The following FLRT2 variants were observed in gnomAD, a reference collection of about 807,000 sequenced individuals.
FLRT2 encodes leucine-rich repeat transmembrane protein FLRT2.
Under a neutral mutation model 40.0 loss-of-function variants are expected in FLRT2, and 15 were observed. The ratio of observed to expected loss-of-function variants is 0.38; its 90% CI spans 0.25 to 0.58. The LOEUF (loss-of-function observed/expected upper bound fraction) is 0.58, where lower values mean the gene tolerates loss of function less well. FLRT2 is among the 20% of genes least tolerant of loss of function. The probability of loss-of-function intolerance (pLI) is 0.71; values close to 1 mark genes in which losing one functional copy is unlikely to be tolerated. For missense variants in FLRT2, 726 were observed against 840.0 expected (o/e 0.86, Z 1.68); for synonymous variants, 380 against 336.8 (o/e 1.13, Z -1.41).
At position 85,633,293 on chromosome 14, in the gene FLRT2, C is replaced by G. The variant is rs900684833; in HGVS notation, c.*9796C>G. 6.6e-6 allele frequency: 1 copy of G among 152,098 alleles called. No individual in the cohort carries two copies. The highest frequency in any genetic ancestry group is 3.2e-3 in the Middle Eastern group (1 of 316). The allele number at this position is 152,098 out of a possible 1,614,324, so 9.4% of individuals were successfully genotyped here. A position where few individuals can be genotyped will look rare whatever the true frequency, so the allele number is the denominator to read the frequency against. ...GCCATGGGATAACACACAACCATGG[C>G]AGGCCTTTTTTCTCATGGTGTGTGG... is the stretch of plus-strand genomic sequence containing the variant. On this transcript the variant is annotated 3_prime_UTR_variant, in exon 2 of 2. Coordinates refer to ENST00000330753, the MANE Select transcript of FLRT2 (RefSeq NM_013231.6).
At chr14:85,570,777 G>A (rs1470587928) in intron 1 of FLRT2, among the ~76,000 whole-genome samples, 3 of 151,512 alleles carry the variant, frequency 2.0e-5, no homozygotes, top group East Asian at 2.0e-4. Flanking sequence ...AGTAGAGACG[G>A]GGTTTCACCT....
intron 1 of FLRT2, among the ~76,000 whole-genome samples, chr14:85,570,576 T>TATTTATTC (rs2139860495): frequency 6.7e-6 from 1 of 148,914 alleles, no homozygotes; most frequent in African/African-American, 2.5e-5. Flanking sequence ...TTTATTTATT[T>TATTTATTC]ATTTATTTAT....
chr14:85,619,114 G>A (rs1008031823), intron 1 of FLRT2, among the ~76,000 whole-genome samples: 1 of 147,504 alleles, frequency 6.8e-6, no homozygotes, highest in African/African-American at 2.5e-5. Context: ...TTTTGAGGCA[G>A]GTTCTTGCTC....
In FLRT2 at chr14:85,653,182, A is replaced by G. The variant is rs914713008; in HGVS notation, c.*29685A>G. ...TTGTGATCTGCTTGAGGACTTGTACATAGATAGGCTCAAGATATTTTGAGT... is the reference window on the plus strand; with the variant it reads ...TTGTGATCTGCTTGAGGACTTGTACGTAGATAGGCTCAAGATATTTTGAGT... On this transcript the variant is annotated 3_prime_UTR_variant, in exon 2 of 2. Coordinates refer to ENST00000330753, the MANE Select transcript of FLRT2 (RefSeq NM_013231.6). The G allele has an allele frequency of 2.6e-5, 4 of 152,188 alleles. No homozygotes were observed. Among genetic ancestry groups the G allele is most frequent in the African/African-American group, 7.2e-5 (3 of 41,458 alleles). 9.4% of individuals were successfully genotyped at this position (152,188 alleles called of 1,614,324 possible).
chr14:85,579,609 T>C (rs1006194357), intron 1 of FLRT2, among the ~76,000 whole-genome samples: 3 of 152,206 alleles, frequency 2.0e-5, no homozygotes, highest in South Asian at 2.1e-4. Flanking sequence ...CAATTTTCCG[T>C]ATCTATAAAA....
Position 85,643,354 on chromosome 14 carries a change from T to TTCCTTCCTTC in FLRT2, c.*19857_*19858insTCCTTCCTTC, listed in dbSNP as rs1491559808. 2.9e-3 allele frequency: 132 copies of TTCCTTCCTTC among 46,040 alleles called. 1 individual carries two copies. The highest frequency in any genetic ancestry group is 4.2e-3 in the Non-Finnish European group (97 of 23,034). The allele number at this position is 46,040 out of a possible 1,614,324, so 2.9% of individuals were successfully genotyped here. ...TTCTTTCTTTCTTTCTTTCTTTCTT[T>TTCCTTCCTTC]CTTCCTTCCTTCCTTCCTTCCTTTC... On this transcript the variant is annotated 3_prime_UTR_variant, in exon 2 of 2. Transcript: ENST00000330753.
At chr14:85,604,645 T>C (rs1431351163) in intron 1 of FLRT2, among the ~76,000 whole-genome samples, 2 of 152,174 alleles carry the variant, frequency 1.3e-5, no homozygotes, top group African/African-American at 2.4e-5. Context: ...TAGGACTGTT[T>C]TTAAAACTGA....
chr14:85,542,671 A>G (rs1889045400), intron 1 of FLRT2, among the ~76,000 whole-genome samples: 1 of 152,162 alleles, frequency 6.6e-6, no homozygotes, highest in Admixed American at 6.5e-5. Flanking sequence ...TTCTTTGGGA[A>G]ATGGTTTTAA....
intron 1 of FLRT2, among the ~76,000 whole-genome samples, chr14:85,546,592 A>C (rs943033805): frequency 5.3e-5 from 8 of 152,144 alleles, no homozygotes; most frequent in Admixed American, 3.3e-4. Context: ...TGGAAGTGCA[A>C]ATTTAGCTGA....
Position 85,640,432 on chromosome 14 carries a change from A to G in FLRT2, c.*16935A>G, listed in dbSNP as rs1260992855. On this transcript the variant is annotated 3_prime_UTR_variant, in exon 2 of 2. Coordinates refer to ENST00000330753, the MANE Select transcript of FLRT2 (RefSeq NM_013231.6). ...TGGGAAGTAAACTTTGGTCACCACA[A>G]TATACATAGCAAGTATTAAATATCT... is the stretch of plus-strand genomic sequence containing the variant. The G allele has an allele frequency of 6.6e-6, 1 of 152,190 alleles. No homozygotes were observed. Among genetic ancestry groups the G allele is most frequent in the African/African-American group, 2.4e-5 (1 of 41,456 alleles). The allele number at this position is 152,190 out of a possible 1,614,324, so 9.4% of individuals were successfully genotyped here. A position where few individuals can be genotyped will look rare whatever the true frequency, so the allele number is the denominator to read the frequency against.
intron 1 of FLRT2, among the ~76,000 whole-genome samples, chr14:85,599,390 CCAAAGATACAA>C (rs754368007): frequency 1.3e-5 from 2 of 152,094 alleles, no homozygotes; most frequent in Non-Finnish European, 2.9e-5. Context: ...TAGGGCGCTA[CCAAAGATACAA>C]CATATTTCTC....
chr14:85,586,499 G>T (rs1007218415), intron 1 of FLRT2, among the ~76,000 whole-genome samples: 4 of 152,072 alleles, frequency 2.6e-5, no homozygotes, highest in Admixed American at 1.3e-4. Flanking sequence ...CACTTAATTT[G>T]TTAAGATGGT....
At chr14:85,615,549 A>C (rs17713712) in intron 1 of FLRT2, among the ~76,000 whole-genome samples, 1 of 151,730 alleles carries the variant, frequency 6.6e-6, no homozygotes, top group Non-Finnish European at 1.5e-5. Flanking sequence ...GTAAAGAGAA[A>C]TATCTGCCTA....
chr14:85,560,506 G>A (rs1245279078), intron 1 of FLRT2, among the ~76,000 whole-genome samples: 1 of 151,960 alleles, frequency 6.6e-6, no homozygotes, highest in Admixed American at 6.6e-5. Flanking sequence ...ACTGGGACTC[G>A]GGAGGCGGAG....
chr14:85,609,997 G>C (rs1037252250), intron 1 of FLRT2, among the ~76,000 whole-genome samples: 1 of 152,176 alleles, frequency 6.6e-6, no homozygotes, highest in Non-Finnish European at 1.5e-5. Context: ...AGGGAACAGT[G>C]GGTGGCCTGT....
Position 85,643,555 on chromosome 14 carries a change from A to G in FLRT2, c.*20058A>G, listed in dbSNP as rs11159715. 0.22 allele frequency: 33,327 copies of G among 151,012 alleles called. 3,819 individuals are homozygous for G. The highest frequency in any genetic ancestry group is 0.29 in the East Asian group (1,494 of 5,080). 9.4% of individuals were successfully genotyped at this position (151,012 alleles called of 1,614,324 possible). A position where few individuals can be genotyped will look rare whatever the true frequency, so the allele number is the denominator to read the frequency against. ...CTACAGGCGTGCACCACCACACCTG[A>G]CTAATTTTTGTGTTTTTAGTAGAGA... On this transcript the variant is annotated 3_prime_UTR_variant, in exon 2 of 2. Coordinates refer to ENST00000330753, the MANE Select transcript of FLRT2 (RefSeq NM_013231.6).
intron 1 of FLRT2, among the ~76,000 whole-genome samples, chr14:85,582,947 T>C (rs1891458082): frequency 1.3e-5 from 2 of 152,066 alleles, no homozygotes; most frequent in Non-Finnish European, 2.9e-5. Context: ...CCTCATTGTT[T>C]GATTTCACAG....
intron 1 of FLRT2, among the ~76,000 whole-genome samples, chr14:85,613,155 ATTG>A (rs1221637374): frequency 2.0e-5 from 3 of 152,004 alleles, no homozygotes; most frequent in Non-Finnish European, 2.9e-5. Context: ...TTTAAAATAT[ATTG>A]TTATTATATA....
chr14:85,602,406 A>G (rs552394440), intron 1 of FLRT2, among the ~76,000 whole-genome samples: 24 of 152,290 alleles, frequency 1.6e-4, no homozygotes, highest in South Asian at 6.2e-4. Flanking sequence ...CAGCTTCTCA[A>G]TTGGAAGGCG....
Sources: allele counts gnomAD v4.1 joint callset (sites outside exome capture counted in the v4.1 genomes callset), GRCh38; gene constraint gnomAD v4.1.1; transcripts MANE v1.5; gene names NCBI Gene and HGNC (gene_info 2026-07-23, HGNC 2026-07-21).